FRAS1: variants seen among roughly 807,000 people sequenced by gnomAD.
FRAS1 encodes the protein Fraser extracellular matrix complex subunit 1, also known as extracellular matrix organizing protein FRAS1.
FRAS1 carries 290 observed loss-of-function variants against 435.2 expected under a neutral mutation model. The ratio of observed to expected loss-of-function variants is 0.67; its 90% CI spans 0.61 to 0.73. The LOEUF is 0.73. Ranked by LOEUF, FRAS1 falls within the 30% of genes least tolerant of loss-of-function variation. FRAS1 has a pLI of 0.00. For missense variants in FRAS1, 4,860 were observed against 5,001.5 expected (o/e 0.97, Z 0.85); for synonymous variants, 1,800 against 1,851.0 (o/e 0.97, Z 0.71).
At chr4:78,185,870 C>T (rs1211541371) in intron 2 of FRAS1, among the ~76,000 whole-genome samples, 2 of 152,158 alleles carry the variant, frequency 1.3e-5, no homozygotes, top group Admixed American at 1.3e-4. Flanking sequence ...TCAATCAAGG[C>T]TTAATTTGGC....
intron 14 of FRAS1, among the ~76,000 whole-genome samples, chr4:78,289,800 C>T (rs1475769594): frequency 6.6e-6 from 1 of 152,122 alleles, no homozygotes; most frequent in Non-Finnish European, 1.5e-5. Context: ...AGGCTTTATC[C>T]ATGTATGGAT....
intron 33 of FRAS1, among the ~76,000 whole-genome samples, chr4:78,421,295 G>A (rs780872169): frequency 3.3e-5 from 5 of 151,818 alleles, no homozygotes; most frequent in South Asian, 2.1e-4. Flanking sequence ...TTACGGGTGC[G>A]TGCCACCATA....
At chr4:78,325,785 C>T (rs78261289) in intron 18 of FRAS1, among the ~76,000 whole-genome samples, 102 of 152,240 alleles carry the variant, frequency 6.7e-4, no homozygotes, top group African/African-American at 2.3e-3. Context: ...ACAAAGTAGA[C>T]GGGCTCTGTC....
At chr4:78,469,084 G>T (rs1307337732) in intron 50 of FRAS1, among the ~76,000 whole-genome samples, 1 of 152,136 alleles carries the variant, frequency 6.6e-6, no homozygotes, top group Non-Finnish European at 1.5e-5. Flanking sequence ...AACTGTAGCT[G>T]CTCCCCAGTT....
intron 19 of FRAS1, among the ~76,000 whole-genome samples, chr4:78,335,401 G>A (rs184417174): frequency 6.6e-6 from 1 of 152,256 alleles, no homozygotes; most frequent in South Asian, 2.1e-4. Flanking sequence ...TGTGTCAGCT[G>A]TCTTCTCCTG....
Position 78,308,145 on chromosome 4 carries a change from G to T in FRAS1, c.1614G>T (p.Leu538=). Residue 538 remains leucine, a synonymous_variant, in exon 15 of 74, where the codon CTG becomes CTT. Transcript: ENST00000512123. ...CCTGCAGAGATCCCCTCCACGTGCT[G>T]AGAGATGGCGGCTGTGAGAGCAGCT... is the stretch of plus-strand genomic sequence containing the variant. The part of the protein sequence containing the change: ...CLACRDPLHV[L]RDGGCESSCG... The T allele has an allele frequency of 1.2e-6, 2 of 1,613,946 alleles. No homozygotes were observed. The highest frequency in any genetic ancestry group is 2.2e-5 in the South Asian group (2 of 91,044).
intron 2 of FRAS1, among the ~76,000 whole-genome samples, chr4:78,188,882 G>T (rs1178492423): frequency 6.6e-6 from 1 of 152,148 alleles, no homozygotes; most frequent in African/African-American, 2.4e-5. Flanking sequence ...ACTATAAAAG[G>T]GCAGCGGTAT....
chr4:78,253,260 A>G (rs1016412695), intron 5 of FRAS1, among the ~76,000 whole-genome samples: 1 of 152,160 alleles, frequency 6.6e-6, no homozygotes, highest in Non-Finnish European at 1.5e-5. Context: ...GTCAGACCTT[A>G]TGGTTACCTT....
intron 29 of FRAS1, 40 bp downstream of exon 29, chr4:78,387,741 G>T (rs867794658): frequency 5.4e-6 from 7 of 1,294,802 alleles, no homozygotes; most frequent in African/African-American, 1.5e-5. Flanking sequence ...TTTGCACCTA[G>T]ATGTGAACTT....
In FRAS1 at chr4:78,363,424, A is replaced by G. The variant is rs1190180791; in HGVS notation, c.2423-89A>G. 5.3e-6 allele frequency: 7 copies of G among 1,327,442 alleles called. No homozygotes were observed. In the Admixed American group the frequency reaches 1.3e-4, roughly 25 times the overall value. The allele number at this position is 1,327,442 out of a possible 1,614,324, so 82.2% of individuals were successfully genotyped here. The stretch of plus-strand genomic sequence containing the variant: ...CCAGCTGTCAGCTGCAGTGTTTGTA[A>G]TTGAAATCTCTTCTGCCCTTCTGTG... On this transcript the variant is annotated intron_variant, in intron 20 of 73. Transcript: ENST00000512123.
At chr4:78,327,900 C>A (rs919895837) in intron 18 of FRAS1, among the ~76,000 whole-genome samples, 2 of 152,076 alleles carry the variant, frequency 1.3e-5, no homozygotes, top group Non-Finnish European at 2.9e-5. Context: ...GATGTTAACA[C>A]CTGTACTTGC....
intron 41 of FRAS1, among the ~76,000 whole-genome samples, chr4:78,442,918 G>T (rs1734714648): frequency 6.6e-6 from 1 of 152,166 alleles, no homozygotes; most frequent in Non-Finnish European, 1.5e-5. Flanking sequence ...AATAATATTG[G>T]TATAAATGTG....
intron 32 of FRAS1, among the ~76,000 whole-genome samples, chr4:78,414,522 G>T (rs997624298): frequency 2.6e-5 from 4 of 152,268 alleles, no homozygotes; most frequent in Non-Finnish European, 4.4e-5. Context: ...TATATTTTTT[G>T]ATACTAATTA....
At chr4:78,454,412 AGTACGTGTATGGCAGGAGGGCATG>A (rs1719122854) in intron 47 of FRAS1, among the ~76,000 whole-genome samples, 2 of 152,132 alleles carry the variant, frequency 1.3e-5, no homozygotes, top group Non-Finnish European at 2.9e-5. Flanking sequence ...GAGGGCATGT[AGTACGTGTATGGCAGGAGGGCATG>A]CAGAGAGATG....
chr4:78,540,990 C>CA lies in FRAS1; in HGVS notation c.11906dup (p.His3969GlnfsTer13). On this transcript the variant is annotated frameshift_variant, in exon 74 of 74. Transcript: ENST00000512123. LOFTEE classifies it high-confidence loss of function. ...CCGGGTGGAGAAGAACGTGAATAGA[C>CA]ACTACTGCACTGTGCGGAACGTCAA... 1 of 1,605,194 alleles carries CA rather than the reference C, an allele frequency of 6.2e-7. No homozygotes were observed. Among genetic ancestry groups the CA allele is most frequent in the South Asian group, 1.1e-5 (1 of 90,320 alleles).
At chr4:78,253,789 G>T (rs1372311363) in intron 5 of FRAS1, among the ~76,000 whole-genome samples, 2 of 152,150 alleles carry the variant, frequency 1.3e-5, no homozygotes, top group Non-Finnish European at 2.9e-5. Context: ...TGAGAAGCAA[G>T]GGAATAGGGA....
In FRAS1 at chr4:78,337,875, A is replaced by G. The variant is rs547923824; in HGVS notation, c.2422+58A>G. On this transcript the variant is annotated intron_variant, in intron 20 of 73. Coordinates refer to ENST00000512123, the MANE Select transcript of FRAS1 (RefSeq NM_025074.7). Reference sequence around the variant, plus strand: ...CACTGGGCAGCTGCCGGGGCTCTTCATACCAGGCTTAAGGGGGCTCTTTGT... The same window carrying G: ...CACTGGGCAGCTGCCGGGGCTCTTCGTACCAGGCTTAAGGGGGCTCTTTGT... The G allele has an allele frequency of 4.4e-6, 7 of 1,585,846 alleles. No homozygotes were observed. The African/African-American group carries it at 5.4e-5, about 12-fold the overall frequency.
intron 2 of FRAS1, among the ~76,000 whole-genome samples, chr4:78,159,095 G>T (rs1721017240): frequency 6.6e-6 from 1 of 152,148 alleles, no homozygotes; most frequent in African/African-American, 2.4e-5. Context: ...TTGTGTGATT[G>T]GGCAGAACTC....
At chr4:78,483,260 G>A (rs78659605) in intron 58 of FRAS1, among the ~76,000 whole-genome samples, 1,749 of 152,318 alleles carry the variant, frequency 0.011, 31 homozygotes, top group African/African-American at 0.041. Context: ...AGTATTGTAG[G>A]TGATGTGCAG....
Sources: allele counts gnomAD v4.1 joint callset (sites outside exome capture counted in the v4.1 genomes callset), GRCh38; gene constraint gnomAD v4.1.1; transcripts MANE v1.5; gene names NCBI Gene and HGNC (gene_info 2026-07-23, HGNC 2026-07-21).